Variants in PTPRK observed in about 807,000 individuals in gnomAD.
The protein encoded by PTPRK is receptor-type tyrosine-protein phosphatase kappa.
A neutral mutation model predicts 178.0 loss-of-function variants in PTPRK; 75 were observed. The observed-to-expected ratio is 0.42, with a 90% CI of 0.35 to 0.51. PTPRK has a LOEUF of 0.51. Among genes scored for constraint, PTPRK ranks in the 20% least tolerant of loss-of-function variants. The pLI is 0.02. For missense variants in PTPRK, 1,441 were observed against 1,797.8 expected (o/e 0.80, Z 3.59); for synonymous variants, 637 against 620.6 (o/e 1.03, Z -0.39).
intron 2 of PTPRK, among the ~76,000 whole-genome samples, chr6:128,359,384 CTAAAGAA>C (rs1834408453): frequency 6.6e-6 from 1 of 152,084 alleles, no homozygotes; most frequent in Admixed American, 6.5e-5. Context: ...TCCATTTTCC[CTAAAGAA>C]TAAAGTTTGA....
At chr6:128,018,561 G>C (rs1239475476) in intron 13 of PTPRK, among the ~76,000 whole-genome samples, 5 of 151,120 alleles carry the variant, frequency 3.3e-5, no homozygotes, top group Admixed American at 6.6e-5. Flanking sequence ...GCCACAAGTT[G>C]ACCTTAGGTA....
intron 1 of PTPRK, among the ~76,000 whole-genome samples, chr6:128,497,912 T>C (rs984255906): frequency 5.3e-5 from 8 of 152,148 alleles, no homozygotes; most frequent in Non-Finnish European, 1.0e-4. Context: ...ATATGTTGTG[T>C]ATATTACGAA....
chr6:128,131,335 G>A (rs541559531), intron 7 of PTPRK, among the ~76,000 whole-genome samples: 4 of 152,242 alleles, frequency 2.6e-5, no homozygotes, highest in African/African-American at 7.2e-5. Flanking sequence ...TCAGTTCCAG[G>A]AGCGGGGAGG....
At chr6:128,146,408 ATGTGTGTGTGTGTTTATGTGTG>A (rs1796492144) in intron 7 of PTPRK, among the ~76,000 whole-genome samples, 1 of 145,168 alleles carries the variant, frequency 6.9e-6, no homozygotes, top group Non-Finnish European at 1.5e-5. Context: ...GTGTGTGTTT[ATGTGTGTGTGTGTTTATGTGTG>A]TGTGTGTGTG....
At chr6:128,141,440 A>G (rs1309474083) in intron 7 of PTPRK, among the ~76,000 whole-genome samples, 1 of 151,988 alleles carries the variant, frequency 6.6e-6, no homozygotes, top group Admixed American at 6.6e-5. Context: ...AAGCTCTTCT[A>G]AAAGACATAA....
chr6:128,397,609 AACATGCACCC>A lies in PTPRK; in HGVS notation c.170_179del (p.Trp57LeufsTer19). On this transcript the variant is annotated frameshift_variant, in exon 2 of 30. Transcript: ENST00000368226. LOFTEE classifies it high-confidence loss of function. ...GTAGATAATGAGGCTCTTGAGCACT[AACATGCACCC>A]ATTCAAAGTCATCATACAGATCCTG... 1 of 1,614,002 alleles carries A rather than the reference AACATGCACCC, an allele frequency of 6.2e-7. No individual in the cohort carries two copies. Among genetic ancestry groups the A allele is most frequent in the Non-Finnish European group, 8.5e-7 (1 of 1,179,922 alleles).
chr6:128,498,047 A>T (rs1308430881), intron 1 of PTPRK, among the ~76,000 whole-genome samples: 4 of 152,136 alleles, frequency 2.6e-5, no homozygotes, highest in African/African-American at 7.2e-5. Context: ...GTAAAAAAAA[A>T]CAAAAACAAA....
At chr6:128,377,522 C>A (rs1019645792) in intron 2 of PTPRK, among the ~76,000 whole-genome samples, 1 of 152,074 alleles carries the variant, frequency 6.6e-6, no homozygotes, top group Non-Finnish European at 1.5e-5. Context: ...CAAACCATAT[C>A]ATGTACCATT....
chr6:128,242,476 G>A (rs1212157323), intron 4 of PTPRK, 45 bp downstream of exon 4: 2 of 1,591,890 alleles, frequency 1.3e-6, no homozygotes, highest in Admixed American at 1.8e-5. Context: ...TATAAGGCAA[G>A]TGTGGAAAGG....
chr6:128,146,424 ATGTGTGTGTGTG>A (rs35899707), intron 7 of PTPRK, among the ~76,000 whole-genome samples: 4 of 135,908 alleles, frequency 2.9e-5, no homozygotes, highest in African/African-American at 8.0e-5. Context: ...GTGTGTGTTT[ATGTGTGTGTGTG>A]TGTGTGTGTG....
intron 1 of PTPRK, among the ~76,000 whole-genome samples, chr6:128,493,158 C>A (rs1216864328): frequency 6.6e-6 from 1 of 152,144 alleles, no homozygotes; most frequent in African/African-American, 2.4e-5. Context: ...ACCTCCTTTA[C>A]TTTTTCCTAA....
intron 13 of PTPRK, among the ~76,000 whole-genome samples, chr6:128,050,782 C>T (rs898430661): frequency 1.3e-5 from 2 of 152,180 alleles, no homozygotes; most frequent in African/African-American, 4.8e-5. Flanking sequence ...CTCAAGCAAT[C>T]CTCCTTCCTC....
At chr6:128,014,472 T>A (rs1047776874) in intron 13 of PTPRK, among the ~76,000 whole-genome samples, 1 of 151,560 alleles carries the variant, frequency 6.6e-6, no homozygotes, top group Non-Finnish European at 1.5e-5. Context: ...TTAATAACAT[T>A]ACCCATCTTG....
intron 3 of PTPRK, among the ~76,000 whole-genome samples, chr6:128,300,716 G>C (rs928936916): frequency 7.5e-6 from 1 of 132,562 alleles, no homozygotes; most frequent in Non-Finnish European, 1.6e-5. Flanking sequence ...GTTGTGGGGT[G>C]GGGGGAGGGG....
intron 2 of PTPRK, among the ~76,000 whole-genome samples, chr6:128,355,977 A>G (rs1484228482): frequency 6.6e-6 from 1 of 152,180 alleles, no homozygotes; most frequent in Admixed American, 6.5e-5. Context: ...TCAGTGAGAC[A>G]ATTAAAAGGC....
At chr6:128,463,762 T>G (rs2128413670) in intron 1 of PTPRK, among the ~76,000 whole-genome samples, 1 of 143,212 alleles carries the variant, frequency 7.0e-6, no homozygotes, top group African/African-American at 2.6e-5. Flanking sequence ...TTTTTTTTTT[T>G]TTTTTTGAGA....
intron 1 of PTPRK, among the ~76,000 whole-genome samples, chr6:128,429,298 T>C (rs1490576918): frequency 2.0e-5 from 3 of 152,190 alleles, no homozygotes; most frequent in Non-Finnish European, 4.4e-5. Context: ...TAATGTGTAC[T>C]TCCACCATTA....
intron 6 of PTPRK, among the ~76,000 whole-genome samples, chr6:128,199,841 CT>C (rs1805592594): frequency 6.6e-6 from 1 of 152,182 alleles, no homozygotes; most frequent in Non-Finnish European, 1.5e-5. Context: ...TGTACCAGAT[CT>C]TTTGACTTCT....
intron 2 of PTPRK, among the ~76,000 whole-genome samples, chr6:128,349,928 G>C (rs944556582): frequency 2.6e-5 from 4 of 152,050 alleles, no homozygotes. Context: ...CAGAGAAACA[G>C]GGCACTATTA....
Sources: gnomAD v4.1 joint callset for allele counts (sites outside exome capture counted in the v4.1 genomes callset) on GRCh38, gnomAD v4.1.1 for gene constraint, MANE v1.5 for transcripts, NCBI Gene and HGNC (gene_info 2026-07-23, HGNC 2026-07-21) for gene names.